SI: variants seen among roughly 807,000 people sequenced by gnomAD.
The protein encoded by SI is sucrase-isomaltase.
A neutral mutation model predicts 253.3 loss-of-function variants in SI; 235 were observed. That is an observed-to-expected ratio of 0.93 (90% confidence interval 0.83 to 1.03). The LOEUF (loss-of-function observed/expected upper bound fraction) is 1.03, where lower values mean the gene tolerates loss of function less well. Ranked by LOEUF, SI falls within the 50% of genes least tolerant of loss-of-function variation. The pLI is 0.00. For missense variants in SI, 2,442 were observed against 2,211.1 expected, an observed-to-expected ratio of 1.10 and a Z score of -2.09; for synonymous variants, 819 against 712.0, an observed-to-expected ratio of 1.15 and a Z score of -2.39.
intron 12 of SI, among the ~76,000 whole-genome samples, chr3:165,056,017 CTT>C (rs1259491793): frequency 6.6e-6 from 1 of 152,082 alleles, no homozygotes; most frequent in East Asian, 1.9e-4. Flanking sequence ...ATTATGCTGT[CTT>C]TTTCTGATTT....
At chr3:164,992,442 T>G (rs1448225490) in intron 41 of SI, 45 bp from the exon 42 acceptor site, 1 of 1,232,262 alleles carries the variant, frequency 8.1e-7, no homozygotes, top group Non-Finnish European at 1.2e-6. Context: ...CAAATAACTT[T>G]CTTCTGAATA....
chr3:165,003,816 A>G (rs1222845243), intron 37 of SI, among the ~76,000 whole-genome samples: 1 of 152,080 alleles, frequency 6.6e-6, no homozygotes, highest in Non-Finnish European at 1.5e-5. Context: ...TACAACAGAT[A>G]TACAAAATAT....
At chr3:165,041,818 G>A (rs887606838) in intron 17 of SI, among the ~76,000 whole-genome samples, 12 of 152,030 alleles carry the variant, frequency 7.9e-5, no homozygotes, top group Non-Finnish European at 8.8e-5. Flanking sequence ...CCACTATTAA[G>A]TTTGCACTGA....
chr3:165,008,096 G>A (rs1718602126), intron 35 of SI, 98 bp from the exon 36 acceptor site: 1 of 659,138 alleles, frequency 1.5e-6, no homozygotes, highest in Admixed American at 2.1e-5. Flanking sequence ...TAACATATTT[G>A]AACAATGTTA....
In SI at chr3:165,074,545, G is replaced by T; in HGVS notation, c.241C>A (p.Gln81Lys). The part of the protein sequence containing the change: ...VNVRINCIPE[Q>K]FPTEGICAQR... The stretch of plus-strand genomic sequence containing the variant: ...TTGCTGCAGACCTCTGTTGGGAATT[G>T]TTCTGGAATGCAGTTTATTCTCACA... Residue 81 changes from glutamine to lysine, a missense_variant, in exon 3 of 48, where the codon CAA becomes AAA. Coordinates refer to ENST00000264382, the MANE Select transcript of SI (RefSeq NM_001041.4). 1 of 1,606,512 alleles carries T rather than the reference G, an allele frequency of 6.2e-7. No individual in the cohort carries two copies. Among genetic ancestry groups the T allele is most frequent in the Non-Finnish European group, 8.5e-7 (1 of 1,175,366 alleles).
intron 41 of SI, among the ~76,000 whole-genome samples, chr3:164,992,779 A>C (rs1717827061): frequency 6.6e-6 from 1 of 151,926 alleles, no homozygotes; most frequent in Non-Finnish European, 1.5e-5. Context: ...ACATACTGTA[A>C]GAATTTTAAT....
chr3:165,064,025 C>A (rs1714103704), intron 7 of SI, among the ~76,000 whole-genome samples: 2 of 151,080 alleles, frequency 1.3e-5, no homozygotes, highest in African/African-American at 4.9e-5. Flanking sequence ...ATTTGAGATA[C>A]CCTCACTGCA....
intron 26 of SI, among the ~76,000 whole-genome samples, chr3:165,021,983 A>G (rs1314062741): frequency 1.3e-5 from 2 of 151,558 alleles, no homozygotes; most frequent in Non-Finnish European, 3.0e-5. Context: ...TTCATTTCCT[A>G]CTTATGAGGT....
At chr3:165,059,555 G>T (rs1164969871) in intron 10 of SI, among the ~76,000 whole-genome samples, 1 of 151,764 alleles carries the variant, frequency 6.6e-6, no homozygotes, top group Admixed American at 6.6e-5. Flanking sequence ...TATATACGTG[G>T]ATTTCAACAT....
intron 40 of SI, among the ~76,000 whole-genome samples, chr3:164,995,881 AAATATGAAATAGTATATTCTC>A (rs1416113830): frequency 8.6e-5 from 13 of 151,800 alleles, no homozygotes; most frequent in Non-Finnish European, 1.8e-4. Context: ...AGGACTTCGT[AAATATGAAATAGTATATTCTC>A]AATAATGAAT....
chr3:165,060,163 G>T, intron 9 of SI, 136 bp from the exon 10 acceptor site: 1 of 740,128 alleles, frequency 1.4e-6, no homozygotes, highest in Non-Finnish European at 2.2e-6. Context: ...CAAACCTTTA[G>T]TGTTACCTGG....
At chr3:165,084,999 A>T in the SI span, among the ~76,000 whole-genome samples, 2 of 152,134 alleles carry the variant, frequency 1.3e-5, no homozygotes, top group Non-Finnish European at 2.9e-5. Context: ...TTTCTTTGGC[A>T]AATAAATTGA....
chr3:165,007,813 C>G, intron 36 of SI, 98 bp downstream of exon 36: 1 of 395,348 alleles, frequency 2.5e-6, no homozygotes, highest in East Asian at 5.4e-5. Flanking sequence ...TATATATATT[C>G]TATGTATAGC....
chr3:165,005,987 T>C (rs1718492067), intron 37 of SI, among the ~76,000 whole-genome samples: 1 of 152,218 alleles, frequency 6.6e-6, no homozygotes, highest in South Asian at 2.1e-4. Flanking sequence ...TGGTCTGTAT[T>C]CCATCATCAT....
At chr3:164,982,190 G>T in intron 47 of SI, 53 bp downstream of exon 47, 1 of 1,366,562 alleles carries the variant, frequency 7.3e-7, no homozygotes, top group African/African-American at 1.5e-5. Context: ...AGAAGTCCAT[G>T]TAGATGCTTT....
At chr3:165,078,860 G>A (rs548451348), upstream of SI, among the ~76,000 whole-genome samples, 152 of 151,434 alleles carry the variant, frequency 1.0e-3, no homozygotes, top group African/African-American at 3.6e-3. Context: ...ATATTTGAAA[G>A]ACAGAATCTG....
At chr3:165,017,162 A>T (rs1719077458) in intron 31 of SI, among the ~76,000 whole-genome samples, 1 of 151,740 alleles carries the variant, frequency 6.6e-6, no homozygotes, top group African/African-American at 2.4e-5. Context: ...AATTAGTTCC[A>T]CCTCCAACTT....
intron 37 of SI, among the ~76,000 whole-genome samples, chr3:164,999,973 T>A (rs1718185378): frequency 6.6e-6 from 1 of 151,478 alleles, no homozygotes; most frequent in South Asian, 2.1e-4. Context: ...AATGGCCATT[T>A]AGGAATATTA....
At chr3:165,034,099 T>C (rs1376877266) in intron 22 of SI, among the ~76,000 whole-genome samples, 1 of 151,830 alleles carries the variant, frequency 6.6e-6, no homozygotes, top group Non-Finnish European at 1.5e-5. Flanking sequence ...TCATATAATA[T>C]ACTTTCCATA....
Sources: gnomAD v4.1 joint callset for allele counts (sites outside exome capture counted in the v4.1 genomes callset) on GRCh38, gnomAD v4.1.1 for gene constraint, MANE v1.5 for transcripts, NCBI Gene and HGNC (gene_info 2026-07-23, HGNC 2026-07-21) for gene names.